RBM47: variants seen among roughly 807,000 people sequenced by gnomAD.
The protein encoded by RBM47 is RNA-binding protein 47.
A neutral mutation model predicts 47.1 loss-of-function variants in RBM47; 21 were observed. The observed-to-expected ratio is 0.45, with a 90% confidence interval of 0.32 to 0.64. The LOEUF is 0.64. RBM47 is among the 30% of genes least tolerant of loss of function. RBM47 has a pLI of 0.05. For missense variants in RBM47, 708 were observed against 870.9 expected (o/e 0.81, Z 2.35); for synonymous variants, 375 against 361.7 (o/e 1.04, Z -0.42).
intron 1 of RBM47, among the ~76,000 whole-genome samples, chr4:40,616,522 C>G (rs1163184991): frequency 6.6e-6 from 1 of 151,952 alleles, no homozygotes; most frequent in African/African-American, 2.4e-5. Context: ...AAGCTTCCAC[C>G]GCTATAAGCT....
rs561698240 is a variant in RBM47 at position 40,529,822 on chromosome 4, C to G, written c.-155+14600G>C. 2.2e-5 allele frequency among the ~76,000 whole-genome samples: 3 copies of G among 138,148 alleles called. No homozygotes were observed. The East Asian group carries it at 6.2e-4, about 29-fold the overall frequency. 90.6% of individuals were successfully genotyped at this position (138,148 alleles called of 152,430 possible). On this transcript the variant is annotated intron_variant, in intron 2 of 6. Coordinates refer to ENST00000295971, the MANE Select transcript of RBM47 (RefSeq NM_001098634.2). ...CCAGCCTGGGCAACAAAGCGAGACTCCATCTAAAAAATAATAAATAAATAA... is the reference window on the plus strand; with the variant it reads ...CCAGCCTGGGCAACAAAGCGAGACTGCATCTAAAAAATAATAAATAAATAA...
chr4:40,469,432 AAT>A, intron 2 of RBM47, among the ~76,000 whole-genome samples: 1 of 128,000 alleles, frequency 7.8e-6, no homozygotes, highest in Admixed American at 8.5e-5. Flanking sequence ...TCCATTCCAT[AAT>A]TTTTTTTTTT....
intron 1 of RBM47, among the ~76,000 whole-genome samples, chr4:40,575,455 G>A (rs1161809786): frequency 6.6e-6 from 1 of 151,254 alleles, no homozygotes; most frequent in African/African-American, 2.4e-5. Flanking sequence ...AGGAGGCTGA[G>A]GCAGGAAAGT....
intron 2 of RBM47, among the ~76,000 whole-genome samples, chr4:40,540,696 G>GAA (rs1162729597): frequency 2.4e-4 from 35 of 147,334 alleles, no homozygotes; most frequent in African/African-American, 8.4e-4. Flanking sequence ...GAATAATGGG[G>GAA]AAAAAACCCT....
intron 1 of RBM47, among the ~76,000 whole-genome samples, chr4:40,553,264 T>C (rs2154264635): frequency 6.6e-6 from 1 of 151,662 alleles, no homozygotes; most frequent in Non-Finnish European, 1.5e-5. Context: ...TTTGCTCATA[T>C]TATTATCTGA....
chr4:40,507,451 T>C (rs16851460), intron 2 of RBM47, among the ~76,000 whole-genome samples: 1,835 of 152,278 alleles, frequency 0.012, 37 homozygotes, highest in African/African-American at 0.041. Context: ...ATTAATACCA[T>C]GTGTGTCTGA....
At chr4:40,620,170 T>C (rs1578082978) in intron 1 of RBM47, among the ~76,000 whole-genome samples, 1 of 128,856 alleles carries the variant, frequency 7.8e-6, no homozygotes, top group East Asian at 2.3e-4. Flanking sequence ...CACTCCAGCC[T>C]GGGCGATAGA....
intron 3 of RBM47, among the ~76,000 whole-genome samples, chr4:40,459,297 A>C (rs1392418512): frequency 1.3e-5 from 2 of 152,268 alleles, no homozygotes; most frequent in South Asian, 2.1e-4. Flanking sequence ...ATGAATGTGC[A>C]CTGTCTTTTG....
chr4:40,534,574 G>A (rs576746514), intron 2 of RBM47, among the ~76,000 whole-genome samples: 2 of 152,270 alleles, frequency 1.3e-5, no homozygotes, highest in South Asian at 4.1e-4. Context: ...TGGGGACCTG[G>A]TCAGAATGTC....
At chr4:40,579,923 A>C (rs1732722500) in intron 1 of RBM47, among the ~76,000 whole-genome samples, 1 of 151,640 alleles carries the variant, frequency 6.6e-6, no homozygotes, top group South Asian at 2.1e-4. Context: ...ATTTTTTTAA[A>C]TTATTTTTTA....
chr4:40,520,965 C>T (rs1037586633), intron 2 of RBM47, among the ~76,000 whole-genome samples: 3 of 152,156 alleles, frequency 2.0e-5, no homozygotes, highest in Non-Finnish European at 4.4e-5. Context: ...CCCTTTTACA[C>T]GGCATTGACA....
At chr4:40,437,073 CAAAAA>C (rs750922605) in intron 4 of RBM47, among the ~76,000 whole-genome samples, 2 of 21,292 alleles carry the variant, frequency 9.4e-5, no homozygotes, top group African/African-American at 2.2e-4. Context: ...GACCCTGTCT[CAAAAA>C]AAAAAAAAAA....
chr4:40,568,539 T>A (rs1290017601), intron 1 of RBM47, among the ~76,000 whole-genome samples: 1 of 150,210 alleles, frequency 6.7e-6, no homozygotes, highest in East Asian at 1.9e-4. Context: ...GAATTTAACA[T>A]GTTGCCCTCC....
chr4:40,456,890 C>T (rs1045391485), intron 3 of RBM47, among the ~76,000 whole-genome samples: 4 of 152,012 alleles, frequency 2.6e-5, no homozygotes, highest in Non-Finnish European at 4.4e-5. Context: ...TGAGCCAACA[C>T]GCCCGGCCAG....
chr4:40,608,922 AAAC>A (rs1735998168), intron 1 of RBM47, among the ~76,000 whole-genome samples: 2 of 152,200 alleles, frequency 1.3e-5, no homozygotes, highest in Admixed American at 6.5e-5. Flanking sequence ...TGATTTGGAA[AAAC>A]GAGATGACAC....
At chr4:40,625,389 C>T (rs1320393224) in intron 1 of RBM47, among the ~76,000 whole-genome samples, 1 of 152,152 alleles carries the variant, frequency 6.6e-6, no homozygotes, top group African/African-American at 2.4e-5. Flanking sequence ...GGTCTCAGTG[C>T]TCTGAAAGGT....
intron 2 of RBM47, among the ~76,000 whole-genome samples, chr4:40,479,262 T>C (rs1337087112): frequency 1.3e-5 from 2 of 152,208 alleles, no homozygotes; most frequent in African/African-American, 2.4e-5. Flanking sequence ...GAAATGAGTG[T>C]TCCTTATCTG....
chr4:40,429,864 C>T (rs1715649471), intron 6 of RBM47, among the ~76,000 whole-genome samples: 1 of 151,744 alleles, frequency 6.6e-6, no homozygotes, highest in African/African-American at 2.4e-5. Flanking sequence ...GGAGGATGAT[C>T]GAAGGTAGGG....
chr4:40,460,208 A>T (rs1046160409), intron 3 of RBM47, among the ~76,000 whole-genome samples: 29 of 144,718 alleles, frequency 2.0e-4, no homozygotes, highest in Non-Finnish European at 2.9e-4. Context: ...TAAAATTTCC[A>T]TCACTGTTTT....
Sources: allele counts gnomAD v4.1 joint callset (sites outside exome capture counted in the v4.1 genomes callset), GRCh38; gene constraint gnomAD v4.1.1; transcripts MANE v1.5; gene names NCBI Gene and HGNC (gene_info 2026-07-23, HGNC 2026-07-21).